Variants in SPIRE2 observed in about 807,000 individuals in gnomAD.
SPIRE2 encodes the protein protein spire homolog 2.
Under a neutral mutation model 80.7 loss-of-function variants are expected in SPIRE2, and 76 were observed. That is an observed-to-expected ratio of 0.94 (90% CI 0.78 to 1.14). The LOEUF (loss-of-function observed/expected upper bound fraction) is 1.14, where lower values mean the gene tolerates loss of function less well. SPIRE2 is among the 50% of genes most tolerant of loss of function. SPIRE2 has a pLI of 0.00. For missense variants in SPIRE2, 1,196 were observed against 1,015.3 expected (o/e 1.18, Z -2.42); for synonymous variants, 535 against 432.6 (o/e 1.24, Z -2.94).
chr16:89,855,551 A>G (rs747889349), intron 5 of SPIRE2, 49 bp from the exon 6 acceptor site: 2 of 1,555,364 alleles, frequency 1.3e-6, no homozygotes, highest in East Asian at 2.3e-5. Context: ...GTCGCCCTGC[A>G]CTAGTGGATG....
At chr16:89,842,216 T>TTTTTTTTTTTTTTG (rs2041513167) in intron 1 of SPIRE2, among the ~76,000 whole-genome samples, 1 of 118,158 alleles carries the variant, frequency 8.5e-6, no homozygotes, top group African/African-American at 4.0e-5. Flanking sequence ...TAATTTTTTT[T>TTTTTTTTTTTTTTG]TTTTTTTTTT....
intron 12 of SPIRE2, among the ~76,000 whole-genome samples, chr16:89,864,408 A>T (rs2041771403): frequency 6.6e-6 from 1 of 152,180 alleles, no homozygotes. Flanking sequence ...TAAAGCAGAG[A>T]TTGGCAGACT....
intron 6 of SPIRE2, 61 bp from the exon 7 acceptor site, chr16:89,856,052 G>T: frequency 6.3e-7 from 1 of 1,588,750 alleles, no homozygotes; most frequent in African/African-American, 1.3e-5. Context: ...CCCCACCGCA[G>T]GTCCCGCTTC....
Position 89,833,723 on chromosome 16 carries a change from CT to C in SPIRE2, c.244+4930del, listed in dbSNP as rs2041411217. Among the ~76,000 whole-genome samples the C allele has an allele frequency of 6.6e-5, 10 of 152,338 alleles. No individual in the cohort carries two copies. In the South Asian group the frequency reaches 2.1e-3, roughly 32 times the overall value. ...GGAGGTGGCAGCAAGGGATCTGCAC[CT>C]GTGCACTCGCTGGACCTGCCTTGGG... On this transcript the variant is annotated intron_variant, in intron 1 of 14. Transcript: ENST00000378247.
Position 89,854,541 on chromosome 16 carries a change from A to G in SPIRE2, c.781A>G (p.Lys261Glu), listed in dbSNP as rs751843947. The G allele has an allele frequency of 1.2e-6, 2 of 1,612,740 alleles. No individual in the cohort carries two copies. Among genetic ancestry groups the G allele is most frequent in the South Asian group, 2.2e-5 (2 of 91,084 alleles). The change falls in exon 5 of 15, where the codon AAG (lysine) becomes GAG (glutamate). Residue 261 changes from lysine to glutamate, a missense_variant. Transcript: ENST00000378247. The stretch of plus-strand genomic sequence containing the variant: ...GCTCCGCCGCGGAGTGAAGCTGAAG[A>G]AGGTGCAAGAGCAGGAGTTCAACCC... ...RELRRGVKLK[K>E]VQEQEFNPLP...
intron 1 of SPIRE2, among the ~76,000 whole-genome samples, chr16:89,845,033 G>A (rs890364118): frequency 7.9e-5 from 12 of 152,224 alleles, no homozygotes; most frequent in Non-Finnish European, 1.5e-4. Context: ...GGGCTGCTGC[G>A]TGGGGCACTG....
chr16:89,845,221 G>A (rs1215069991), intron 1 of SPIRE2, 101 bp from the exon 2 acceptor site: 35 of 1,048,456 alleles, frequency 3.3e-5, no homozygotes, highest in Admixed American at 8.6e-5. Context: ...GCGGAGAGTG[G>A]GGCTGTGGTG....
chr16:89,864,126 G>A (rs547091046), intron 12 of SPIRE2, among the ~76,000 whole-genome samples: 6 of 152,210 alleles, frequency 3.9e-5, no homozygotes, highest in Non-Finnish European at 8.8e-5. Flanking sequence ...CAAACAGGAT[G>A]TGAAACAATG....
intron 12 of SPIRE2, among the ~76,000 whole-genome samples, chr16:89,865,069 C>T (rs576837633): frequency 6.1e-5 from 9 of 148,486 alleles, no homozygotes; most frequent in African/African-American, 1.2e-4. Flanking sequence ...TGCAGTGGCA[C>T]GATCTTGGCT....
Position 89,828,648 on chromosome 16 carries a change from A to T in SPIRE2, c.98A>T (p.Gln33Leu). ...SLEEVLKAYE[Q>L]PLNEEQAWAV... The stretch of plus-strand genomic sequence containing the variant: ...GAGGAGGTGCTGAAGGCCTACGAGC[A>T]GCCGCTCAACGAGGAGCAGGCGTGG... Residue 33 changes from glutamine to leucine, a missense_variant, in exon 1 of 15, where the codon CAG becomes CTG. By Grantham distance (113) the Gln-to-Leu change is moderately radical (BLOSUM62 -2). Transcript: ENST00000378247. This position sits in a 1 kb window ranked among gnomAD's most constrained non-coding sequence, Gnocchi z 5.9. The T allele has an allele frequency of 7.3e-7, 1 of 1,365,476 alleles. No homozygotes were observed. Among genetic ancestry groups the T allele is most frequent in the Non-Finnish European group, 9.5e-7 (1 of 1,048,818 alleles). 84.6% of individuals were successfully genotyped at this position (1,365,476 alleles called of 1,614,324 possible).
chr16:89,865,115 T>C (rs903442712), intron 12 of SPIRE2, among the ~76,000 whole-genome samples: 2 of 150,586 alleles, frequency 1.3e-5, no homozygotes, highest in African/African-American at 2.4e-5. Flanking sequence ...CCCACCATTC[T>C]CCTGCCTCAG....
At chr16:89,861,693 A>G (rs937890760) in intron 10 of SPIRE2, among the ~76,000 whole-genome samples, 2 of 152,156 alleles carry the variant, frequency 1.3e-5, no homozygotes, top group African/African-American at 4.8e-5. Context: ...TGCAGTTAGG[A>G]TGGCAGTGGG....
At chr16:89,853,035 G>A (rs375684259) in intron 3 of SPIRE2, among the ~76,000 whole-genome samples, 108 of 151,376 alleles carry the variant, frequency 7.1e-4, no homozygotes, top group African/African-American at 2.2e-3. Flanking sequence ...CCCATCTTCC[G>A]TCCTCTCTCT....
chr16:89,845,455 A>G, intron 2 of SPIRE2, 90 bp downstream of exon 2: 3 of 1,237,350 alleles, frequency 2.4e-6, no homozygotes, highest in Non-Finnish European at 3.6e-6. Context: ...ATATAGTTAC[A>G]CAGTTGTTTC....
In SPIRE2 at chr16:89,836,132, G is replaced by A. The variant is rs112153105; in HGVS notation, c.244+7338G>A. ...GGAGGTTGTAGTGAGTCGAGATTGC[G>A]CCACTGCCCTCCAGCCTGGGCGACA... On this transcript the variant is annotated intron_variant, in intron 1 of 14. Transcript: ENST00000378247. The A allele has an allele frequency of 1.4e-3, 613 of 450,554 alleles. 7 individuals carry two copies. Among genetic ancestry groups the A allele is most frequent in the African/African-American group, 0.011 (552 of 50,068 alleles). 27.9% of individuals were successfully genotyped at this position (450,554 alleles called of 1,614,324 possible).
chr16:89,837,139 G>A (rs1265699546), intron 1 of SPIRE2, among the ~76,000 whole-genome samples: 1 of 152,200 alleles, frequency 6.6e-6, no homozygotes, highest in African/African-American at 2.4e-5. Context: ...AGGACTCGAG[G>A]CTCCGTTGTC....
intron 1 of SPIRE2, among the ~76,000 whole-genome samples, chr16:89,838,050 AC>A (rs530343132): frequency 8.6e-5 from 13 of 151,146 alleles, no homozygotes; most frequent in South Asian, 8.3e-4. Context: ...TTGCTCTGTC[AC>A]CCAGGCTGGA....
intron 7 of SPIRE2, 28 bp from the exon 8 acceptor site, chr16:89,858,310 C>G (rs763775881): frequency 3.2e-6 from 5 of 1,544,570 alleles, no homozygotes; most frequent in Non-Finnish European, 4.4e-6. Context: ...TTCACTGGCC[C>G]GTCCTGCCTC....
At chr16:89,839,418 G>A (rs1212971098) in intron 1 of SPIRE2, among the ~76,000 whole-genome samples, 3 of 151,418 alleles carry the variant, frequency 2.0e-5, no homozygotes, top group East Asian at 1.9e-4. Flanking sequence ...GTGTGTGGCC[G>A]GGTGCCTGTG....
Sources: gnomAD v4.1 joint callset for allele counts (sites outside exome capture counted in the v4.1 genomes callset) on GRCh38, gnomAD v4.1.1 for gene constraint, Gnocchi (gnomAD v3.1) non-coding constraint, MANE v1.5 for transcripts, NCBI Gene and HGNC (gene_info 2026-07-23, HGNC 2026-07-21) for gene names.